Variants in RBM17 observed in about 807,000 individuals in gnomAD.
The protein encoded by RBM17 is RNA binding motif protein 17, also known as splicing factor 45.
Under a neutral mutation model 53.2 loss-of-function variants are expected in RBM17, and 7 were observed. The ratio of observed to expected loss-of-function variants is 0.13; its 90% CI spans 0.07 to 0.25. The LOEUF is 0.25. RBM17 is among the 10% of genes least tolerant of loss of function. RBM17 has a pLI of 1.00. For synonymous variants in RBM17, 167 were observed against 178.1 expected (o/e 0.94, Z 0.50); for missense variants, 257 against 496.7 (o/e 0.52, Z 4.59).
chr10:6,111,302 G>A (rs1840833870), intron 7 of RBM17, among the ~76,000 whole-genome samples: 1 of 152,188 alleles, frequency 6.6e-6, no homozygotes, highest in Non-Finnish European at 1.5e-5. Context: ...TGAGAGTTGT[G>A]GGGTCCAGTT....
At chr10:6,103,869 C>T (rs1840705913) in intron 3 of RBM17, among the ~76,000 whole-genome samples, 1 of 152,162 alleles carries the variant, frequency 6.6e-6, no homozygotes, top group East Asian at 1.9e-4. Flanking sequence ...TTACAAACGA[C>T]CTTCTTGCCT....
chr10:6,106,863 T>G (rs986755710), intron 5 of RBM17, among the ~76,000 whole-genome samples: 1 of 152,224 alleles, frequency 6.6e-6, no homozygotes, highest in Non-Finnish European at 1.5e-5. Context: ...AGGGAGGTAG[T>G]GGCATGCCCA....
intron 3 of RBM17, 110 bp from the exon 4 acceptor site, chr10:6,104,821 G>A (rs1588347868): frequency 4.6e-6 from 4 of 860,924 alleles, no homozygotes; most frequent in Admixed American, 2.3e-5. Flanking sequence ...AGAGGAAGGG[G>A]CTAGATGATG....
chr10:6,110,767 G>GCTGCTGC (rs1170076592), intron 7 of RBM17, among the ~76,000 whole-genome samples: 2 of 152,196 alleles, frequency 1.3e-5, no homozygotes, highest in Non-Finnish European at 2.9e-5. Context: ...GCATCTGCTG[G>GCTGCTGC]CTGCTGCCTG....
At chr10:6,092,701 AT>A (rs2132936525) in intron 1 of RBM17, among the ~76,000 whole-genome samples, 1 of 152,370 alleles carries the variant, frequency 6.6e-6, no homozygotes, top group African/African-American at 2.4e-5. Context: ...TGAACTTAAA[AT>A]TCAGTGAAAA....
At chr10:6,111,242 G>A (rs1201852508) in intron 7 of RBM17, among the ~76,000 whole-genome samples, 1 of 152,238 alleles carries the variant, frequency 6.6e-6, no homozygotes, top group Non-Finnish European at 1.5e-5. Context: ...CCCATGCTGC[G>A]CCTCAGAGCG....
At position 6,106,248 on chromosome 10, in the gene RBM17, G is replaced by A. The variant is rs1281565589; in HGVS notation, c.505+10G>A. ...GAGAGGAGGAAAAGAAGTAAGGCAT[G>A]AACAAATATGTCTTAAACATATATA... On this transcript the variant is annotated intron_variant, in intron 5 of 11. Coordinates refer to ENST00000379888, the MANE Select transcript of RBM17 (RefSeq NM_032905.5). The A allele has an allele frequency of 1.3e-6, 2 of 1,541,508 alleles. No individual in the cohort carries two copies. The highest frequency in any genetic ancestry group is 1.4e-5 in the African/African-American group (1 of 73,246).
chr10:6,110,037 C>T lies in RBM17; in HGVS notation c.614C>T (p.Ser205Phe). The T allele has an allele frequency of 6.2e-7, 1 of 1,613,448 alleles. No homozygotes were observed. Among genetic ancestry groups the T allele is most frequent in the Non-Finnish European group, 8.5e-7 (1 of 1,179,554 alleles). ...EEDSRPRSQS[S>F]KAAIPPPVYE... ...GACTCAAGACCTCGATCACAGTCTT[C>T]CAAAGCAGCCATTCCTCCCCCAGTG... is the stretch of plus-strand genomic sequence containing the variant. Residue 205 changes from serine (S) to phenylalanine (F), a missense_variant, in exon 7 of 12, where the codon TCC (serine) becomes TTC (phenylalanine). Around this residue, in one of 6 missense-constraint regions of RBM17, gnomAD observed 68 missense variants for 60.0 expected, o/e 1.13. Transcript: ENST00000379888.
At chr10:6,110,347 G>A (rs10905806) in intron 7 of RBM17, among the ~76,000 whole-genome samples, 46,042 of 152,088 alleles carry the variant, frequency 0.3, 8,244 homozygotes, top group South Asian at 0.44. Context: ...TCATTTTGAT[G>A]TTGAACATTA....
At chr10:6,096,998 G>A in intron 1 of RBM17, 50 bp from the exon 2 acceptor site, 1 of 1,537,662 alleles carries the variant, frequency 6.5e-7, no homozygotes, top group Non-Finnish European at 8.8e-7. Context: ...AACATGAAAA[G>A]CCTTTATTGA....
rs778045834 is a variant in RBM17 at position 6,113,583 on chromosome 10, TAAG to T, written c.930+6_930+8del. ...CCTACTAAAGTGGTCTTACTAAGGG[TAAG>T]AAGCTGAGGAAAGCAAGCTCTCTGC... is the stretch of plus-strand genomic sequence containing the variant. On this transcript the variant is annotated splice_donor_5th_base_variant and intron_variant, in intron 9 of 11. Transcript: ENST00000379888. 1 of 1,605,410 alleles carries T rather than the reference TAAG, an allele frequency of 6.2e-7. No individual in the cohort carries two copies. The highest frequency in any genetic ancestry group is 2.2e-5 in the East Asian group (1 of 44,826).
chr10:6,106,467 A>G, intron 5 of RBM17: 1 of 424,474 alleles, frequency 2.4e-6, no homozygotes, highest in Non-Finnish European at 4.4e-6. Context: ...TATTTATTGG[A>G]TACTTTGGGA....
intron 5 of RBM17, chr10:6,108,387 G>A (rs1048194486): frequency 2.4e-6 from 1 of 410,870 alleles, no homozygotes; most frequent in African/African-American, 2.1e-5. Context: ...AGTAACTGCT[G>A]GTTCTCTTGG....
At chr10:6,090,053 A>C (rs940668395) in intron 1 of RBM17, 1 of 152,430 alleles carries the variant, frequency 6.6e-6, no homozygotes, top group Non-Finnish European at 1.5e-5. Context: ...GAAGCCCCGT[A>C]GTGCGTTCTG....
chr10:6,096,419 C>CT (rs1287910123), intron 1 of RBM17, among the ~76,000 whole-genome samples: 2 of 152,174 alleles, frequency 1.3e-5, no homozygotes, highest in Non-Finnish European at 2.9e-5. Context: ...TGCACGGAAG[C>CT]TGTGTGTTGC....
At chr10:6,100,855 C>G (rs748939047) in intron 2 of RBM17, among the ~76,000 whole-genome samples, 2 of 152,050 alleles carry the variant, frequency 1.3e-5, no homozygotes, top group African/African-American at 4.8e-5. Context: ...TTCAAATGGT[C>G]TAGCAAAAAA....
In RBM17 at chr10:6,116,765, T is replaced by C. The variant is rs923215115; in HGVS notation, c.*1209T>C. The C allele has an allele frequency of 6.6e-6, 1 of 152,386 alleles. No individual in the cohort carries two copies. The highest frequency in any genetic ancestry group is 1.5e-5 in the Non-Finnish European group (1 of 68,046). 9.4% of individuals were successfully genotyped at this position (152,386 alleles called of 1,614,324 possible). ...ACTTGGTTTGGAGACATAAGGAATA[T>C]TCTGACCCTTTTTAAAAAAGGATTT... On this transcript the variant is annotated 3_prime_UTR_variant, in exon 12 of 12. Transcript: ENST00000379888.
At chr10:6,104,327 G>C (rs891771191) in intron 3 of RBM17, among the ~76,000 whole-genome samples, 4 of 152,262 alleles carry the variant, frequency 2.6e-5, no homozygotes, top group African/African-American at 7.2e-5. Flanking sequence ...TGATTTTAGT[G>C]AACCTTAAAA....
At chr10:6,113,775 C>G (rs1840872787) in intron 9 of RBM17, 194 bp downstream of exon 9, 14 of 592,088 alleles carry the variant, frequency 2.4e-5, no homozygotes, top group South Asian at 2.1e-4. Context: ...GTGTTTAAGA[C>G]TGCAGTGAGT....
Sources: gnomAD v4.1 joint callset for allele counts (sites outside exome capture counted in the v4.1 genomes callset) on GRCh38, gnomAD v4.1.1 for gene constraint, gnomAD v4.1.1 regional missense constraint, MANE v1.5 for transcripts, NCBI Gene and HGNC (gene_info 2026-07-23, HGNC 2026-07-21) for gene names.